Variants in ABCA13 observed in about 807,000 individuals in gnomAD.
ABCA13 encodes the protein ATP-binding cassette sub-family A member 13.
In ABCA13, 476 loss-of-function variants were observed where a neutral mutation model predicts 478.7. That is an observed-to-expected ratio of 0.99 (90% CI 0.92 to 1.07). ABCA13 has a LOEUF of 1.07. Ranked by LOEUF, ABCA13 falls within the 50% of genes least tolerant of loss-of-function variation. The pLI is 0.00. For synonymous variants in ABCA13, 2,252 were observed against 2,158.9 expected (o/e 1.04, Z -1.20); for missense variants, 6,060 against 5,910.6 (o/e 1.03, Z -0.83).
At chr7:48,280,375 T>C (rs1796875021) in intron 18 of ABCA13, among the ~76,000 whole-genome samples, 1 of 152,216 alleles carries the variant, frequency 6.6e-6, no homozygotes, top group South Asian at 2.1e-4. Context: ...CTGCCCTTTT[T>C]TGATTCTGCC....
intron 55 of ABCA13, among the ~76,000 whole-genome samples, chr7:48,575,661 G>A (rs764684440): frequency 3.3e-5 from 5 of 152,098 alleles, no homozygotes; most frequent in Non-Finnish European, 2.9e-5. Flanking sequence ...AGCTTTTCCT[G>A]TGGGTCAGAG....
intron 42 of ABCA13, among the ~76,000 whole-genome samples, chr7:48,439,850 C>T (rs1428489952): frequency 1.3e-5 from 2 of 151,970 alleles, no homozygotes; most frequent in Non-Finnish European, 2.9e-5. Context: ...TGTCATATGA[C>T]GTAGTTTAAT....
rs1828940292 is a variant in ABCA13, at chr7:48,483,135, A to G, written c.13154A>G (p.Asn4385Ser). 6.2e-7 allele frequency: 1 copy of G among 1,613,312 alleles called. No homozygotes were observed. Among genetic ancestry groups the G allele is most frequent in the Non-Finnish European group, 8.5e-7 (1 of 1,179,648 alleles). The change falls in exon 47 of 62, where the codon AAC becomes AGC. Residue 4385 changes from asparagine to serine, a missense_variant. Physicochemically the swap from Asn to Ser is conservative, Grantham distance 46. This residue lies in a region of ABCA13 where 1,627 missense variants were observed against 1,571.0 expected (regional missense o/e 1.04). Coordinates refer to ENST00000435803, the MANE Select transcript of ABCA13 (RefSeq NM_152701.5). ...IPSEAGGANG[N>S]ISKPPTLAKV... ...AGTGAAGCTGGAGGTGCAAATGGAAACATATCAAAACCCCCAACTCTGGCA... is the reference window on the plus strand; with the variant it reads ...AGTGAAGCTGGAGGTGCAAATGGAAGCATATCAAAACCCCCAACTCTGGCA...
intron 55 of ABCA13, among the ~76,000 whole-genome samples, chr7:48,531,771 T>G (rs60813775): frequency 0.13 from 18,287 of 144,720 alleles, 1,603 homozygotes; most frequent in African/African-American, 0.21. Flanking sequence ...TTGTAAAAGA[T>G]GTTGAGCTCT....
intron 16 of ABCA13, among the ~76,000 whole-genome samples, chr7:48,270,062 TGG>T (rs1285855968): frequency 6.6e-6 from 1 of 152,208 alleles, no homozygotes; most frequent in African/African-American, 2.4e-5. Context: ...TTTATATTTG[TGG>T]ACCCATAGCA....
intron 55 of ABCA13, among the ~76,000 whole-genome samples, chr7:48,570,078 A>G (rs1213838297): frequency 2.0e-5 from 3 of 151,598 alleles, no homozygotes; most frequent in Non-Finnish European, 2.9e-5. Flanking sequence ...CTATTGTTGA[A>G]TTGTCTATTT....
In ABCA13 at chr7:48,276,531, A is replaced by G; in HGVS notation, c.6865A>G (p.Lys2289Glu). The change falls in exon 17 of 62, where the codon AAA (lysine) becomes GAA (glutamate). Residue 2289 changes from lysine to glutamate, a missense_variant. Transcript: ENST00000435803. ...TGAGAACAAAATATCTCTTCTGCTG[A>G]AATATTTCCACAAAGATGTTATTGC... ...DSENKISLLL[K>E]YFHKDVIAEM... 6.2e-7 allele frequency: 1 copy of G among 1,611,948 alleles called. No homozygotes were observed. The highest frequency in any genetic ancestry group is 1.3e-5 in the African/African-American group (1 of 75,026).
intron 29 of ABCA13, among the ~76,000 whole-genome samples, chr7:48,342,001 A>C (rs2128960195): frequency 6.7e-6 from 1 of 149,434 alleles, no homozygotes; most frequent in Non-Finnish European, 1.5e-5. Flanking sequence ...ACTGCATCTC[A>C]CTAATTTTGA....
intron 27 of ABCA13, among the ~76,000 whole-genome samples, chr7:48,329,385 T>C (rs1441488478): frequency 6.6e-6 from 1 of 152,152 alleles, no homozygotes; most frequent in Non-Finnish European, 1.5e-5. Context: ...TCTATTGAAT[T>C]TGTGTGCTAT....
chr7:48,566,570 G>C (rs529822022), intron 55 of ABCA13, among the ~76,000 whole-genome samples: 3 of 152,142 alleles, frequency 2.0e-5, no homozygotes, highest in Non-Finnish European at 4.4e-5. Context: ...GTCAGAATGA[G>C]CTCTGGTTTA....
chr7:48,466,865 C>A, intron 43 of ABCA13, 91 bp from the exon 44 acceptor site: 1 of 1,207,762 alleles, frequency 8.3e-7, no homozygotes, highest in Non-Finnish European at 1.2e-6. Context: ...CTGACTAGGG[C>A]ACAATGTGAG....
At chr7:48,520,535 C>T (rs1488918863) in intron 53 of ABCA13, among the ~76,000 whole-genome samples, 1 of 152,074 alleles carries the variant, frequency 6.6e-6, no homozygotes, top group Non-Finnish European at 1.5e-5. Context: ...TTATTTGTCT[C>T]AGCATATTTT....
intron 10 of ABCA13, among the ~76,000 whole-genome samples, chr7:48,244,058 C>A (rs1168661243): frequency 6.6e-6 from 1 of 152,194 alleles, no homozygotes; most frequent in Non-Finnish European, 1.5e-5. Context: ...ATGTCTGGAG[C>A]CCGTTAGTCT....
chr7:48,465,524 CT>C (rs71552482), intron 43 of ABCA13, among the ~76,000 whole-genome samples: 29,922 of 134,344 alleles, frequency 0.22, 2,886 homozygotes, highest in East Asian at 0.26. Flanking sequence ...TTTCTTCTTT[CT>C]TTTTTTTTTT....
At chr7:48,188,555 C>T (rs1342963783) in intron 1 of ABCA13, among the ~76,000 whole-genome samples, 2 of 151,808 alleles carry the variant, frequency 1.3e-5, no homozygotes, top group African/African-American at 4.8e-5. Context: ...GCTCTAGAAA[C>T]TTTTTTTTCT....
intron 59 of ABCA13, among the ~76,000 whole-genome samples, chr7:48,624,532 C>CGTCGTTGTT (rs71006571): frequency 6.0e-5 from 9 of 150,344 alleles, no homozygotes; most frequent in South Asian, 4.2e-4. Flanking sequence ...ATTTTGTTGT[C>CGTCGTTGTT]GTTGTTGTTG....
At chr7:48,412,988 T>G (rs1414445888) in intron 41 of ABCA13, among the ~76,000 whole-genome samples, 1 of 151,582 alleles carries the variant, frequency 6.6e-6, no homozygotes, top group Non-Finnish European at 1.5e-5. Context: ...ATTTTTTGTA[T>G]TTTTAGTAGA....
At position 48,372,159 on chromosome 7, in the gene ABCA13, T is replaced by C; in HGVS notation, c.10804-9T>C. On this transcript the variant is annotated splice_polypyrimidine_tract_variant and intron_variant, in intron 32 of 61. Coordinates refer to ENST00000435803, the MANE Select transcript of ABCA13 (RefSeq NM_152701.5). The stretch of plus-strand genomic sequence containing the variant: ...TGTGGTAACCTTGGGTTTTTTCTCT[T>C]TTTGGTAGTATATGCGGATGATGGG... 6.2e-7 allele frequency: 1 copy of C among 1,605,386 alleles called. No individual in the cohort carries two copies. The highest frequency in any genetic ancestry group is 8.5e-7 in the Non-Finnish European group (1 of 1,174,332).
At chr7:48,225,126 TG>T in intron 5 of ABCA13, among the ~76,000 whole-genome samples, 3 of 110,522 alleles carry the variant, frequency 2.7e-5, no homozygotes, top group African/African-American at 6.6e-5. Context: ...CCTGCCTGCC[TG>T]CCTGCCTGCC....
Sources: allele counts gnomAD v4.1 joint callset (sites outside exome capture counted in the v4.1 genomes callset), GRCh38; gene constraint gnomAD v4.1.1; regional missense constraint gnomAD v4.1.1; transcripts MANE v1.5; gene names NCBI Gene and HGNC (gene_info 2026-07-23, HGNC 2026-07-21).